Variants in DENND5B observed in about 807,000 individuals in gnomAD.
DENND5B encodes DENN domain containing 5B.
DENND5B carries 34 observed loss-of-function variants against 140.6 expected under a neutral mutation model. The observed-to-expected ratio is 0.24, with a 90% CI of 0.18 to 0.32. DENND5B has a LOEUF of 0.32. DENND5B is among the 10% of genes least tolerant of loss of function. The pLI is 1.00. For missense variants in DENND5B, 1,142 were observed against 1,560.2 expected (o/e 0.73, Z 4.52); for synonymous variants, 551 against 562.1 (o/e 0.98, Z 0.28).
intron 6 of DENND5B, among the ~76,000 whole-genome samples, chr12:31,446,924 A>T (rs548828447): frequency 2.0e-5 from 3 of 151,660 alleles, no homozygotes; most frequent in East Asian, 1.9e-4. Context: ...AAAAAGAAAC[A>T]TAAGTAGCAA....
At chr12:31,550,586 G>A (rs1285991759) in intron 1 of DENND5B, among the ~76,000 whole-genome samples, 5 of 151,882 alleles carry the variant, frequency 3.3e-5, no homozygotes, top group Non-Finnish European at 2.9e-5. Context: ...AGCCAGTAAT[G>A]GGATGTCTGG....
At chr12:31,527,910 G>A (rs1847659079) in intron 1 of DENND5B, among the ~76,000 whole-genome samples, 1 of 152,044 alleles carries the variant, frequency 6.6e-6, no homozygotes, top group Admixed American at 6.6e-5. Context: ...TCCACAACGT[G>A]GGATAGTCTG....
chr12:31,550,118 G>C (rs1211319953), intron 1 of DENND5B, among the ~76,000 whole-genome samples: 1 of 151,142 alleles, frequency 6.6e-6, no homozygotes, highest in African/African-American at 2.4e-5. Context: ...CAATGTGCAA[G>C]TTTCTTACAT....
At chr12:31,572,803 G>C (rs1416510765) in intron 1 of DENND5B, among the ~76,000 whole-genome samples, 1 of 152,162 alleles carries the variant, frequency 6.6e-6, no homozygotes, top group Admixed American at 6.5e-5. Flanking sequence ...ATAAACAGTT[G>C]AATCTCTCTT....
chr12:31,563,564 A>G (rs544939191), intron 1 of DENND5B, among the ~76,000 whole-genome samples: 10 of 152,232 alleles, frequency 6.6e-5, no homozygotes, highest in Non-Finnish European at 1.5e-4. Context: ...CAGTGCAAAA[A>G]GCAGTCTTAC....
intron 1 of DENND5B, chr12:31,541,026 G>GT (rs1565678089): frequency 1.8e-5 from 8 of 440,914 alleles, no homozygotes; most frequent in South Asian, 1.3e-4. Flanking sequence ...GGTTGACCCC[G>GT]TATCTCTTAC....
At chr12:31,485,736 CCTCT>C (rs55748263) in intron 2 of DENND5B, among the ~76,000 whole-genome samples, 13,531 of 149,728 alleles carry the variant, frequency 0.09, 1,385 homozygotes, top group African/African-American at 0.25. Flanking sequence ...GCTTCCATCT[CCTCT>C]CTCTCTCTCT....
At chr12:31,470,830 T>A (rs1033507512) in intron 3 of DENND5B, among the ~76,000 whole-genome samples, 1 of 152,160 alleles carries the variant, frequency 6.6e-6, no homozygotes. Flanking sequence ...CATGGAAACC[T>A]GTGGTTTGGG....
chr12:31,576,000 G>A (rs1950000625), intron 1 of DENND5B, among the ~76,000 whole-genome samples: 1 of 151,676 alleles, frequency 6.6e-6, no homozygotes, highest in Admixed American at 6.6e-5. Context: ...AGTTAACCAG[G>A]CATGGTGGCA....
intron 2 of DENND5B, among the ~76,000 whole-genome samples, chr12:31,482,089 A>G (rs961469727): frequency 1.3e-5 from 2 of 152,198 alleles, no homozygotes; most frequent in Non-Finnish European, 2.9e-5. Context: ...ATTAAGCATG[A>G]AGGCGGGTGG....
At chr12:31,570,588 TAA>T (rs59970924) in intron 1 of DENND5B, among the ~76,000 whole-genome samples, 11 of 140,800 alleles carry the variant, frequency 7.8e-5, no homozygotes, top group African/African-American at 2.1e-4. Context: ...AAATTCTCTT[TAA>T]AAAAAAAAAA....
chr12:31,484,315 T>C (rs928696198), intron 2 of DENND5B, among the ~76,000 whole-genome samples: 30 of 152,024 alleles, frequency 2.0e-4, no homozygotes, highest in African/African-American at 7.2e-4. Flanking sequence ...ATGAGAAGCA[T>C]AGTGGCTGGC....
chr12:31,514,267 A>G (rs1008993755), intron 1 of DENND5B, among the ~76,000 whole-genome samples: 1 of 152,232 alleles, frequency 6.6e-6, no homozygotes, highest in Non-Finnish European at 1.5e-5. Flanking sequence ...TGTATCATAT[A>G]GTCAAGGTTT....
chr12:31,500,677 CAAAAAAA>C (rs58877023), intron 1 of DENND5B: 11 of 90,578 alleles, frequency 1.2e-4, no homozygotes, highest in South Asian at 4.1e-4. Flanking sequence ...GAGACTGTCA[CAAAAAAA>C]AAAAAAAAAA....
chr12:31,455,021 C>T (rs370406353), intron 4 of DENND5B, among the ~76,000 whole-genome samples: 3 of 151,752 alleles, frequency 2.0e-5, no homozygotes, highest in Admixed American at 1.3e-4. Flanking sequence ...AGGGTTTCAC[C>T]GTGTTAGCCA....
intron 7 of DENND5B, 91 bp from the exon 8 acceptor site, chr12:31,433,339 T>A (rs1228736676): frequency 1.3e-5 from 14 of 1,075,362 alleles, no homozygotes; most frequent in Non-Finnish European, 1.7e-5. Context: ...ACACACATTT[T>A]AAAATCAATT....
intron 1 of DENND5B, among the ~76,000 whole-genome samples, chr12:31,502,327 A>G (rs1473830619): frequency 4.6e-5 from 7 of 151,832 alleles, no homozygotes; most frequent in African/African-American, 1.7e-4. Flanking sequence ...ACAAAAACAA[A>G]AACAAAAAAA....
chr12:31,567,662 A>G (rs1171232287), intron 1 of DENND5B, among the ~76,000 whole-genome samples: 2 of 151,908 alleles, frequency 1.3e-5, no homozygotes, highest in Non-Finnish European at 1.5e-5. Flanking sequence ...TCCTTTGTTC[A>G]AAACCTTTTA....
chr12:31,434,807 C>T (rs1043575781), intron 7 of DENND5B, among the ~76,000 whole-genome samples: 5 of 152,130 alleles, frequency 3.3e-5, no homozygotes, highest in African/African-American at 1.2e-4. Flanking sequence ...CAGCTTTAGA[C>T]GCAACCAGGA....
Sources: gnomAD v4.1 joint callset for allele counts (sites outside exome capture counted in the v4.1 genomes callset) on GRCh38, gnomAD v4.1.1 for gene constraint, MANE v1.5 for transcripts, NCBI Gene and HGNC (gene_info 2026-07-23, HGNC 2026-07-21) for gene names.